TICAM1: variants seen among roughly 807,000 people sequenced by gnomAD.
The protein encoded by TICAM1 is TIR domain containing adaptor molecule 1, also known as TIR domain-containing adapter molecule 1.
For missense variants in TICAM1, 895 were observed against 938.2 expected (o/e 0.95, Z 0.60); for synonymous variants, 439 against 415.4 (o/e 1.06, Z -0.69).
Position 4,817,329 on chromosome 19 carries a change from G to A in TICAM1, c.1049C>T (p.Pro350Leu). The change falls in exon 2 of 2, where the codon CCA (proline) becomes CTA (leucine). Residue 350 changes from proline (P) to leucine (L), a missense_variant. Physicochemically the swap from Pro to Leu is moderately conservative, Grantham distance 98 (BLOSUM62 -3). Coordinates refer to ENST00000248244, the MANE Select transcript of TICAM1 (RefSeq NM_182919.4). This position sits in a 1 kb window ranked among gnomAD's most constrained non-coding sequence, Gnocchi z 4.7. Reference sequence around the variant, plus strand: ...TGTTTCTGGGGTGGTGGGAGTAGGTGGGCACGGCTTGGTATTTGGAGAGGT... The same window carrying A: ...TGTTTCTGGGGTGGTGGGAGTAGGTAGGCACGGCTTGGTATTTGGAGAGGT... ...DTTSPNTKPC[P>L]PTPTTPETSP... 6.2e-7 allele frequency: 1 copy of A among 1,613,958 alleles called. No homozygotes were observed.
chr19:4,817,127 C>A lies in TICAM1; in HGVS notation c.1251G>T (p.Glu417Asp). The A allele has an allele frequency of 1.2e-6, 2 of 1,614,194 alleles. No homozygotes were observed. Among genetic ancestry groups the A allele is most frequent in the Middle Eastern group, 1.6e-4 (1 of 6,062 alleles). ...HIALRVREKL[E>D]ALGVPDGATF... ...TGGCCCCGTCGGGCACGCCAAGGGC[C>A]TCCAGCTTCTCCCGAACCCGCAGGG... is the stretch of plus-strand genomic sequence containing the variant. The change falls in exon 2 of 2, where the codon GAG becomes GAT. Residue 417 changes from glutamate to aspartate, a missense_variant. Physicochemically the swap from Glu to Asp is conservative, Grantham distance 45. Coordinates refer to ENST00000248244, the MANE Select transcript of TICAM1 (RefSeq NM_182919.4). This position sits in a 1 kb window ranked among gnomAD's most constrained non-coding sequence, Gnocchi z 4.7.
In TICAM1 at chr19:4,817,605, G is replaced by C. The variant is rs370748549; in HGVS notation, c.773C>G (p.Ser258Trp). 2.8e-5 allele frequency: 45 copies of C among 1,601,398 alleles called. 3 individuals are homozygous for C. The highest frequency in any genetic ancestry group is 8.5e-7 in the Non-Finnish European group (1 of 1,174,334). Residue 258 changes from serine (S) to tryptophan (W), a missense_variant, in exon 2 of 2, where the codon TCG (serine) becomes TGG (tryptophan). Ser to Trp is a radical substitution (Grantham distance 177). Coordinates refer to ENST00000248244, the MANE Select transcript of TICAM1 (RefSeq NM_182919.4). This position sits in a 1 kb window ranked among gnomAD's most constrained non-coding sequence, Gnocchi z 4.7. The part of the protein sequence containing the change: ...QEPEEMSWPP[S>W]GEIASPPELP... ...CTCTGGTGGGCTGGCAATCTCCCCC[G>C]ATGGCGGCCAGCTCATCTCCTCAGG...
Position 4,818,959 on chromosome 19 carries a change from G to T in TICAM1, c.-139-443C>A, listed in dbSNP as rs1324521865. On this transcript the variant is annotated intron_variant, in intron 1 of 1. Coordinates refer to ENST00000248244, the MANE Select transcript of TICAM1 (RefSeq NM_182919.4). The surrounding 1 kb of genome is among the most constrained non-coding windows in gnomAD (Gnocchi z 4.0). Reference sequence around the variant, plus strand: ...ACCCCGTTTCTACTAAAAATACAAAGAATTAGCCAGGAGTGGTGGTGCATT... The same window carrying T: ...ACCCCGTTTCTACTAAAAATACAAATAATTAGCCAGGAGTGGTGGTGCATT... 6.6e-6 allele frequency among the ~76,000 whole-genome samples: 1 copy of T among 151,876 alleles called. No individual in the cohort carries two copies. Among genetic ancestry groups the T allele is most frequent in the East Asian group, 1.9e-4 (1 of 5,186 alleles).
In TICAM1 at chr19:4,823,117, C is replaced by T. The variant is rs925519376; in HGVS notation, c.-139-4601G>A. Among the ~76,000 whole-genome samples, 5 of 152,180 alleles carry T rather than the reference C, an allele frequency of 3.3e-5. No homozygotes were observed. In the East Asian group the frequency reaches 7.7e-4, roughly 23 times the overall value. ...AGCTGATCACTTGAGATCAAGAGCT[C>T]GAGACCAGCCTGGCCAACATGGTGA... is the stretch of plus-strand genomic sequence containing the variant. On this transcript the variant is annotated intron_variant, in intron 1 of 1. Coordinates refer to ENST00000248244, the MANE Select transcript of TICAM1 (RefSeq NM_182919.4).
intron 1 of TICAM1, among the ~76,000 whole-genome samples, chr19:4,826,917 T>C (rs185805074): frequency 6.6e-5 from 10 of 152,232 alleles, no homozygotes; most frequent in African/African-American, 2.4e-4. Flanking sequence ...CTAGTTTTAA[T>C]TAAACTAATG....
intron 1 of TICAM1, among the ~76,000 whole-genome samples, chr19:4,830,212 C>T (rs1421446644): frequency 6.6e-6 from 1 of 151,722 alleles, no homozygotes; most frequent in African/African-American, 2.4e-5. Context: ...CTCAGCCTCC[C>T]GAGTAGCTGG....
chr19:4,823,338 G>A (rs970142846), intron 1 of TICAM1, among the ~76,000 whole-genome samples: 4 of 152,060 alleles, frequency 2.6e-5, no homozygotes, highest in South Asian at 2.1e-4. Flanking sequence ...GGTGGCGGGC[G>A]CCTGTAGTCC....
chr19:4,828,727 C>A (rs1319371262), intron 1 of TICAM1, among the ~76,000 whole-genome samples: 1 of 138,908 alleles, frequency 7.2e-6, no homozygotes, highest in Non-Finnish European at 1.6e-5. Flanking sequence ...TTTCTGAGAC[C>A]GAATCTCCCT....
chr19:4,829,045 G>A (rs894083826), intron 1 of TICAM1, among the ~76,000 whole-genome samples: 1 of 151,926 alleles, frequency 6.6e-6, no homozygotes, highest in Non-Finnish European at 1.5e-5. Flanking sequence ...CTGTTGGCCA[G>A]GCTGGTCTCG....
intron 1 of TICAM1, among the ~76,000 whole-genome samples, chr19:4,828,991 C>A (rs535802273): frequency 2.0e-5 from 3 of 152,048 alleles, no homozygotes; most frequent in Non-Finnish European, 4.4e-5. Context: ...TTAGCCACCA[C>A]GCCCTGCTAG....
At position 4,817,278 on chromosome 19, in the gene TICAM1, G is replaced by GGAA. The variant is rs2146169346; in HGVS notation, c.1099_1100insTTC (p.Pro366_Pro367insLeu). The GGAA allele has an allele frequency of 6.5e-7, 1 of 1,537,638 alleles. No homozygotes were observed. Among genetic ancestry groups the GGAA allele is most frequent in the Non-Finnish European group, 8.9e-7 (1 of 1,119,154 alleles). ...GTGAGCTGAACAAGGAGTAGATGAAGGAGGAGGAGGAGGAGGAGGAGGGGA... is the reference window on the plus strand; with the variant it reads ...GTGAGCTGAACAAGGAGTAGATGAAGGAAGAGGAGGAGGAGGAGGAGGAGGGGA... On this transcript the variant is annotated inframe_insertion, in exon 2 of 2. Transcript: ENST00000248244. The surrounding 1 kb of genome is among the most constrained non-coding windows in gnomAD (Gnocchi z 4.7).
intron 1 of TICAM1, among the ~76,000 whole-genome samples, chr19:4,821,644 ATTT>A (rs67187848): frequency 7.3e-6 from 1 of 136,634 alleles, no homozygotes; most frequent in Non-Finnish European, 1.6e-5. Flanking sequence ...ATGGCCCACG[ATTT>A]TTTTTTTTTT....
chr19:4,819,718 C>CA (rs2093594002), intron 1 of TICAM1, among the ~76,000 whole-genome samples: 1 of 151,832 alleles, frequency 6.6e-6, no homozygotes, highest in Admixed American at 6.6e-5. Context: ...ACTAAAAATA[C>CA]AAAAAAATTA....
chr19:4,830,243 A>G (rs1488942142), intron 1 of TICAM1, among the ~76,000 whole-genome samples: 1 of 151,730 alleles, frequency 6.6e-6, no homozygotes, highest in African/African-American at 2.4e-5. Flanking sequence ...GTGCGGCACC[A>G]CACCTGGCTA....
intron 1 of TICAM1, among the ~76,000 whole-genome samples, chr19:4,824,675 G>C (rs1022231070): frequency 4.1e-5 from 6 of 147,012 alleles, no homozygotes; most frequent in African/African-American, 7.4e-5. Context: ...GCTCACACCT[G>C]TAATCCCAGC....
Position 4,816,098 on chromosome 19 carries a change from C to T in TICAM1, c.*141G>A. On this transcript the variant is annotated 3_prime_UTR_variant, in exon 2 of 2. Coordinates refer to ENST00000248244, the MANE Select transcript of TICAM1 (RefSeq NM_182919.4). This position sits in a 1 kb window ranked among gnomAD's most constrained non-coding sequence, Gnocchi z 4.3. The stretch of plus-strand genomic sequence containing the variant: ...CCCGTTTTGTCCTAAATGAAGGGCT[C>T]CCGGACAATGTCCTGAAAGTGGCAG... 2.4e-6 allele frequency: 3 copies of T among 1,273,452 alleles called. No homozygotes were observed. Among genetic ancestry groups the T allele is most frequent in the Non-Finnish European group, 1.0e-6 (1 of 1,003,884 alleles). 78.9% of individuals were successfully genotyped at this position (1,273,452 alleles called of 1,614,324 possible).
At chr19:4,819,711 A>G (rs770655330) in intron 1 of TICAM1, among the ~76,000 whole-genome samples, 1 of 151,984 alleles carries the variant, frequency 6.6e-6, no homozygotes, top group Non-Finnish European at 1.5e-5. Context: ...CATCTCTACT[A>G]AAAATACAAA....
chr19:4,821,711 C>T lies in TICAM1; in HGVS notation c.-139-3195G>A, dbSNP rs1212833878. ...CCAGGCTGGAGTGCAATGGCACGAT[C>T]TCGGCTCACCGCAACCTCCGCCTCC... On this transcript the variant is annotated intron_variant, in intron 1 of 1. Transcript: ENST00000248244. 3.3e-5 allele frequency among the ~76,000 whole-genome samples: 5 copies of T among 149,890 alleles called. No individual in the cohort carries two copies. The Admixed American group carries it at 3.3e-4, about 10-fold the overall frequency.
intron 1 of TICAM1, among the ~76,000 whole-genome samples, chr19:4,828,572 C>T (rs949696231): frequency 1.3e-5 from 2 of 148,170 alleles, no homozygotes; most frequent in East Asian, 2.0e-4. Context: ...CCCACTTTGT[C>T]GCCCAGGCTG....
Sources: gnomAD v4.1 joint callset for allele counts (sites outside exome capture counted in the v4.1 genomes callset) on GRCh38, gnomAD v4.1.1 for gene constraint, Gnocchi (gnomAD v3.1) non-coding constraint, MANE v1.5 for transcripts, NCBI Gene and HGNC (gene_info 2026-07-23, HGNC 2026-07-21) for gene names.